SCAF4: variants seen among roughly 807,000 people sequenced by gnomAD.
SCAF4 encodes the protein SR-related and CTD-associated factor 4.
A neutral mutation model predicts 129.8 loss-of-function variants in SCAF4; 25 were observed. The ratio of observed to expected loss-of-function variants is 0.19; its 90% confidence interval spans 0.14 to 0.27. The LOEUF is 0.27. Among genes scored for constraint, SCAF4 ranks in the 10% least tolerant of loss-of-function variants. The pLI is 1.00. For synonymous variants in SCAF4, 551 were observed against 497.7 expected, an observed-to-expected ratio of 1.11 and a Z score of -1.43; for missense variants, 1,246 against 1,457.1, an observed-to-expected ratio of 0.86 and a Z score of 2.36.
intron 19 of SCAF4, chr21:31,684,501 G>A (rs2050068125): frequency 6.5e-6 from 1 of 153,304 alleles, no homozygotes; most frequent in South Asian, 2.1e-4. Flanking sequence ...AGAGTGAGTG[G>A]GAAAGTGGTA....
At chr21:31,717,950 T>C (rs866857142) in intron 1 of SCAF4, among the ~76,000 whole-genome samples, 111 of 138,254 alleles carry the variant, frequency 8.0e-4, no homozygotes, top group Middle Eastern at 3.6e-3. Flanking sequence ...CACACACATA[T>C]ATATTTTTTT....
chr21:31,725,202 C>G (rs1204956714), intron 1 of SCAF4, among the ~76,000 whole-genome samples: 1 of 152,128 alleles, frequency 6.6e-6, no homozygotes, highest in Non-Finnish European at 1.5e-5. Context: ...TTTGAACCCT[C>G]TGTCTACATG....
Position 31,672,269 on chromosome 21 carries a change from T to G in SCAF4, c.2574A>C (p.Pro858=). The part of the protein sequence containing the change: ...GLLGARPGLI[P]LQRPPGMPPP... ...GGGGCATTCCTGGAGGGCGCTGGAG[T>G]GGGATGAGACCGGGCCGGGCGCCAA... The change falls in exon 20 of 20, where the codon CCA becomes CCC. Residue 858 remains proline, a synonymous_variant. Coordinates refer to ENST00000286835, the MANE Select transcript of SCAF4 (RefSeq NM_020706.2). 1 of 1,613,514 alleles carries G rather than the reference T, an allele frequency of 6.2e-7. No individual in the cohort carries two copies. Among genetic ancestry groups the G allele is most frequent in the Non-Finnish European group, 8.5e-7 (1 of 1,179,798 alleles).
At chr21:31,710,089 G>C (rs1051474619) in intron 1 of SCAF4, among the ~76,000 whole-genome samples, 5 of 152,100 alleles carry the variant, frequency 3.3e-5, no homozygotes, top group Non-Finnish European at 7.4e-5. Flanking sequence ...TCTGGATTCA[G>C]GGATAACAAT....
In SCAF4 at chr21:31,671,280, T is replaced by G; in HGVS notation, c.*119A>C. The stretch of plus-strand genomic sequence containing the variant: ...AGGGAAGCAATCAAATTGCTTACAG[T>G]TCCCCACCAGCTGGCGCGGGGCTGC... On this transcript the variant is annotated 3_prime_UTR_variant, in exon 20 of 20. Transcript: ENST00000286835. The G allele has an allele frequency of 1.8e-6, 2 of 1,130,834 alleles. No homozygotes were observed. Among genetic ancestry groups the G allele is most frequent in the Non-Finnish European group, 2.4e-6 (2 of 825,020 alleles). The allele number at this position is 1,130,834 out of a possible 1,614,324, so 70.1% of individuals were successfully genotyped here.
At chr21:31,677,347 G>A (rs1018240299) in intron 19 of SCAF4, among the ~76,000 whole-genome samples, 1 of 151,966 alleles carries the variant, frequency 6.6e-6, no homozygotes, top group Non-Finnish European at 1.5e-5. Flanking sequence ...TGTAGTTTTT[G>A]CCCATCTTTC....
At chr21:31,727,088 CTTTTTTT>C (rs34324245) in intron 1 of SCAF4, among the ~76,000 whole-genome samples, 2 of 151,300 alleles carry the variant, frequency 1.3e-5, no homozygotes, top group African/African-American at 4.9e-5. Context: ...ACTTTTTTTT[CTTTTTTT>C]TAAGATGGAC....
intron 1 of SCAF4, among the ~76,000 whole-genome samples, chr21:31,730,154 C>CG (rs1339045446): frequency 3.9e-5 from 6 of 152,132 alleles, no homozygotes; most frequent in East Asian, 1.9e-4. Context: ...GGTAGAGAAG[C>CG]GGGGAAAAGA....
At chr21:31,727,489 T>A (rs534653265) in intron 1 of SCAF4, among the ~76,000 whole-genome samples, 1 of 152,254 alleles carries the variant, frequency 6.6e-6, no homozygotes, top group South Asian at 2.1e-4. Context: ...AAAAATACAA[T>A]CAATGGGTTA....
chr21:31,695,102 A>G (rs2050353356), intron 9 of SCAF4, 122 bp from the exon 10 acceptor site: 1 of 732,640 alleles, frequency 1.4e-6, no homozygotes, highest in African/African-American at 1.8e-5. Context: ...AACGACATTC[A>G]ACATTGTTTA....
intron 1 of SCAF4, among the ~76,000 whole-genome samples, chr21:31,718,873 C>T (rs1307782963): frequency 6.6e-6 from 1 of 152,054 alleles, no homozygotes; most frequent in East Asian, 1.9e-4. Flanking sequence ...TCTTCTAGTT[C>T]CGGAATTTAA....
chr21:31,717,940 CACACACAT>C lies in SCAF4; in HGVS notation c.31-11591_31-11584del, dbSNP rs1254169443. On this transcript the variant is annotated intron_variant, in intron 1 of 19. Transcript: ENST00000286835. ...ACACACACACACACACACACACACA[CACACACAT>C]ATATATTTTTTTGAGATGGAGTTTC... 5.6e-3 allele frequency among the ~76,000 whole-genome samples: 722 copies of C among 129,126 alleles called. 19 individuals are homozygous for C. The highest frequency in any genetic ancestry group is 0.018 in the African/African-American group (550 of 30,088). 84.7% of individuals were successfully genotyped at this position (129,126 alleles called of 152,430 possible). A position where few individuals can be genotyped will look rare whatever the true frequency, so the allele number is the denominator to read the frequency against.
chr21:31,693,891 T>C (rs1001515357), intron 11 of SCAF4, among the ~76,000 whole-genome samples: 1 of 152,330 alleles, frequency 6.6e-6, no homozygotes, highest in Admixed American at 6.5e-5. Context: ...TGCTGGCTGA[T>C]AAAGCTGTAA....
At chr21:31,721,991 A>AC (rs2051081116) in intron 1 of SCAF4, among the ~76,000 whole-genome samples, 1 of 152,186 alleles carries the variant, frequency 6.6e-6, no homozygotes. Flanking sequence ...AAGTGCTGGG[A>AC]TTACAGGCGT....
chr21:31,723,627 TGTGCGCGCGCGC>T (rs1275474747), intron 1 of SCAF4, among the ~76,000 whole-genome samples: 15 of 142,680 alleles, frequency 1.1e-4, no homozygotes, highest in African/African-American at 3.7e-4. Flanking sequence ...TGTGTGTGTG[TGTGCGCGCGCGC>T]GCGCGCGCAC....
At chr21:31,724,314 A>G (rs1310266351) in intron 1 of SCAF4, among the ~76,000 whole-genome samples, 1 of 152,176 alleles carries the variant, frequency 6.6e-6, no homozygotes, top group Non-Finnish European at 1.5e-5. Flanking sequence ...AAATTTAACT[A>G]TTACCCACCT....
intron 19 of SCAF4, chr21:31,684,708 G>C: frequency 7.6e-6 from 2 of 263,520 alleles, no homozygotes; most frequent in South Asian, 9.3e-5. Context: ...AAGGTTAAGT[G>C]AATTACGAAC....
chr21:31,706,219 T>G (rs546062493), intron 2 of SCAF4, 55 bp downstream of exon 2: 2 of 1,192,386 alleles, frequency 1.7e-6, no homozygotes, highest in East Asian at 2.5e-5. Context: ...TTAAAAGTAA[T>G]AAATATTTTC....
chr21:31,683,323 G>GT (rs2050038987), intron 19 of SCAF4, among the ~76,000 whole-genome samples: 1 of 152,182 alleles, frequency 6.6e-6, no homozygotes, highest in Non-Finnish European at 1.5e-5. Flanking sequence ...AGCTTACTAT[G>GT]TTTTTCCAAG....
Sources: gnomAD v4.1 joint callset for allele counts (sites outside exome capture counted in the v4.1 genomes callset) on GRCh38, gnomAD v4.1.1 for gene constraint, MANE v1.5 for transcripts, NCBI Gene and HGNC (gene_info 2026-07-23, HGNC 2026-07-21) for gene names.